Variants in KCNH8 observed in about 807,000 individuals in gnomAD.
KCNH8 encodes potassium voltage-gated channel subfamily H member 8.
Under a neutral mutation model 103.6 loss-of-function variants are expected in KCNH8, and 70 were observed. That is an observed-to-expected ratio of 0.68 (90% CI 0.56 to 0.82). KCNH8 has a LOEUF of 0.82. Ranked by LOEUF, KCNH8 falls within the 40% of genes least tolerant of loss-of-function variation. The probability of loss-of-function intolerance (pLI) is 0.00; values close to 1 mark genes in which losing one functional copy is unlikely to be tolerated. For synonymous variants in KCNH8, 498 were observed against 489.4 expected, an observed-to-expected ratio of 1.02 and a Z score of -0.23; for missense variants, 1,217 against 1,329.9, an observed-to-expected ratio of 0.92 and a Z score of 1.32.
In KCNH8 at chr3:19,170,584, C is replaced by CTATATA. The variant is rs113772694; in HGVS notation, c.76+21809_76+21814dup. The stretch of plus-strand genomic sequence containing the variant: ...GCAAGTGCCCCACTTCTTGGGGCAT[C>CTATATA]TATATATATATATATATATATATAT... On this transcript the variant is annotated intron_variant, in intron 1 of 15. Coordinates refer to ENST00000328405, the MANE Select transcript of KCNH8 (RefSeq NM_144633.3). Among the ~76,000 whole-genome samples the CTATATA allele has an allele frequency of 4.3e-3, 490 of 114,008 alleles. 1 individual carries two copies. The highest frequency in any genetic ancestry group is 5.0e-3 in the Admixed American group (56 of 11,162). The allele number at this position is 114,008 out of a possible 152,430, so 74.8% of individuals were successfully genotyped here. A position where few individuals can be genotyped will look rare whatever the true frequency, so the allele number is the denominator to read the frequency against.
rs747820612 is a variant in KCNH8 at position 19,207,962 on chromosome 3, A to T, written c.77-45692A>T. 2.7e-5 allele frequency among the ~76,000 whole-genome samples: 4 copies of T among 150,938 alleles called. No homozygotes were observed. In the South Asian group the frequency reaches 6.2e-4, roughly 24 times the overall value. On this transcript the variant is annotated intron_variant, in intron 1 of 15. Coordinates refer to ENST00000328405, the MANE Select transcript of KCNH8 (RefSeq NM_144633.3). The stretch of plus-strand genomic sequence containing the variant: ...GTAATTGGTATGGATTTCAAGATTT[A>T]AAAAAAAATGTATTTCAGGGTGCTC...
intron 1 of KCNH8, among the ~76,000 whole-genome samples, chr3:19,218,878 T>C (rs1469138836): frequency 1.3e-5 from 2 of 152,314 alleles, no homozygotes; most frequent in East Asian, 3.9e-4. Context: ...AAATTTCCTC[T>C]TTTTATAAGG....
intron 3 of KCNH8, among the ~76,000 whole-genome samples, chr3:19,331,592 A>G (rs1040111693): frequency 6.6e-6 from 1 of 152,090 alleles, no homozygotes; most frequent in African/African-American, 2.4e-5. Flanking sequence ...TTCCCGGCCA[A>G]TTATTTTTAA....
intron 3 of KCNH8, among the ~76,000 whole-genome samples, chr3:19,302,174 T>C (rs1243216896): frequency 6.6e-6 from 1 of 152,174 alleles, no homozygotes. Context: ...AATCAAGTGA[T>C]TGGTTCCTCT....
intron 1 of KCNH8, among the ~76,000 whole-genome samples, chr3:19,239,845 T>A (rs1370163925): frequency 1.3e-5 from 2 of 152,160 alleles, no homozygotes; most frequent in Non-Finnish European, 2.9e-5. Flanking sequence ...CATTGGTTTA[T>A]CAAGTATCTC....
intron 7 of KCNH8, among the ~76,000 whole-genome samples, chr3:19,425,173 A>G (rs1254127572): frequency 6.6e-6 from 1 of 152,224 alleles, no homozygotes; most frequent in Non-Finnish European, 1.5e-5. Context: ...GCCAATTCAC[A>G]TGAATTTTTC....
At chr3:19,411,577 T>G (rs541288295) in intron 7 of KCNH8, among the ~76,000 whole-genome samples, 2 of 151,996 alleles carry the variant, frequency 1.3e-5, no homozygotes, top group Non-Finnish European at 2.9e-5. Context: ...TCAAACTCTC[T>G]TTTGGGGAGA....
rs1004566714 is a variant in KCNH8, at chr3:19,375,315, T to A, written c.812-15166T>A. On this transcript the variant is annotated intron_variant, in intron 5 of 15. Coordinates refer to ENST00000328405, the MANE Select transcript of KCNH8 (RefSeq NM_144633.3). ...AGGCTTTGCTCATTTGTTTTTATTC[T>A]TTTTTCTCTAAACTTCCCTTCTCGC... Among the ~76,000 whole-genome samples, 16 of 149,230 alleles carry A rather than the reference T, an allele frequency of 1.1e-4. 1 individual carries two copies. Among genetic ancestry groups the A allele is most frequent in the Middle Eastern group, 3.5e-3 (1 of 282 alleles).
chr3:19,496,519 A>T (rs559058202), intron 11 of KCNH8, among the ~76,000 whole-genome samples: 1 of 152,326 alleles, frequency 6.6e-6, no homozygotes, highest in Non-Finnish European at 1.5e-5. Context: ...ATGTTGAACC[A>T]ACTTTGCATC....
intron 1 of KCNH8, among the ~76,000 whole-genome samples, chr3:19,215,552 C>T (rs540056464): frequency 2.4e-4 from 37 of 152,298 alleles, no homozygotes; most frequent in African/African-American, 8.4e-4. Flanking sequence ...CTAATTGTCT[C>T]TTTTCCATGA....
At chr3:19,201,692 G>A (rs771159247) in intron 1 of KCNH8, among the ~76,000 whole-genome samples, 1 of 151,714 alleles carries the variant, frequency 6.6e-6, no homozygotes, top group Non-Finnish European at 1.5e-5. Flanking sequence ...TAATCTCCTG[G>A]GTACCTTGAA....
At chr3:19,444,949 C>G (rs1158743604) in intron 8 of KCNH8, among the ~76,000 whole-genome samples, 1 of 151,942 alleles carries the variant, frequency 6.6e-6, no homozygotes, top group African/African-American at 2.4e-5. Flanking sequence ...GAATATACCT[C>G]TACTCTGTGA....
chr3:19,334,102 G>C (rs1197207432), intron 3 of KCNH8, among the ~76,000 whole-genome samples: 1 of 152,116 alleles, frequency 6.6e-6, no homozygotes, highest in East Asian at 1.9e-4. Context: ...ATTGGGCAGA[G>C]GCCCCTCATT....
intron 8 of KCNH8, among the ~76,000 whole-genome samples, chr3:19,445,030 G>C (rs1227473881): frequency 6.6e-6 from 1 of 151,872 alleles, no homozygotes; most frequent in African/African-American, 2.4e-5. Context: ...TATATACACA[G>C]ATGTCTATAA....
At chr3:19,422,093 C>T (rs953857484) in intron 7 of KCNH8, among the ~76,000 whole-genome samples, 9 of 152,056 alleles carry the variant, frequency 5.9e-5, no homozygotes, top group South Asian at 4.1e-4. Context: ...GCAATCAAAA[C>T]GGTTGGGTCA....
intron 3 of KCNH8, among the ~76,000 whole-genome samples, chr3:19,306,114 G>A (rs1431042997): frequency 6.6e-6 from 1 of 152,016 alleles, no homozygotes; most frequent in African/African-American, 2.4e-5. Flanking sequence ...GACAAGTTAT[G>A]CCGCATGCAT....
chr3:19,340,037 TG>T (rs1187393474), intron 3 of KCNH8, among the ~76,000 whole-genome samples: 8 of 152,242 alleles, frequency 5.3e-5, no homozygotes, highest in African/African-American at 1.9e-4. Context: ...CCATCTAATG[TG>T]TTATTAGACC....
At chr3:19,520,854 A>G (rs765629692) in intron 15 of KCNH8, among the ~76,000 whole-genome samples, 14 of 151,932 alleles carry the variant, frequency 9.2e-5, no homozygotes, top group Admixed American at 5.9e-4. Flanking sequence ...AGACATAAAG[A>G]AAGTGTTCAT....
intron 2 of KCNH8, among the ~76,000 whole-genome samples, chr3:19,273,798 T>C (rs188590222): frequency 1.3e-5 from 2 of 152,278 alleles, no homozygotes; most frequent in Admixed American, 1.3e-4. Flanking sequence ...GTTTTTCTGA[T>C]CCCAGTCTCA....
Sources: allele counts gnomAD v4.1 joint callset (sites outside exome capture counted in the v4.1 genomes callset), GRCh38; gene constraint gnomAD v4.1.1; transcripts MANE v1.5; gene names NCBI Gene and HGNC (gene_info 2026-07-23, HGNC 2026-07-21).